Variants in NMNAT2 observed in about 807,000 individuals in gnomAD.
NMNAT2 encodes nicotinamide/nicotinic acid mononucleotide adenylyltransferase 2.
Under a neutral mutation model 41.6 loss-of-function variants are expected in NMNAT2, and 11 were observed. That is an observed-to-expected ratio of 0.26 (90% CI 0.17 to 0.44). The LOEUF (loss-of-function observed/expected upper bound fraction) is 0.44, where lower values mean the gene tolerates loss of function less well. Ranked by LOEUF, NMNAT2 falls within the 20% of genes least tolerant of loss-of-function variation. The pLI is 1.00. For synonymous variants in NMNAT2, 148 were observed against 151.2 expected (o/e 0.98, Z 0.16); for missense variants, 288 against 407.7 (o/e 0.71, Z 2.53).
At chr1:183,261,947 G>C (rs1341617123) in intron 8 of NMNAT2, among the ~76,000 whole-genome samples, 1 of 151,236 alleles carries the variant, frequency 6.6e-6, no homozygotes, top group African/African-American at 2.4e-5. Context: ...TTTTTTTGAG[G>C]CATGGTCTCA....
In NMNAT2 at chr1:183,280,183, G is replaced by T. The variant is rs1331573106; in HGVS notation, c.575-1554C>A. Among the ~76,000 whole-genome samples the T allele has an allele frequency of 5.9e-5, 9 of 152,264 alleles. No individual in the cohort carries two copies. In the East Asian group the frequency reaches 1.7e-3, roughly 29 times the overall value. The stretch of plus-strand genomic sequence containing the variant: ...GTATTGCTGACAGGAGCCAGACTAG[G>T]CTTATTTCTCGGATTCTGTTGTTCC... On this transcript the variant is annotated intron_variant, in intron 7 of 10. Transcript: ENST00000287713.
At chr1:183,284,065 G>T in intron 6 of NMNAT2, 26 bp from the exon 7 acceptor site, 1 of 1,604,370 alleles carries the variant, frequency 6.2e-7, no homozygotes, top group Non-Finnish European at 8.5e-7. Flanking sequence ...GGAAGGTAGG[G>T]CATTAGGGAA....
intron 1 of NMNAT2, among the ~76,000 whole-genome samples, chr1:183,345,848 G>A (rs905646697): frequency 9.9e-5 from 15 of 151,936 alleles, no homozygotes; most frequent in Non-Finnish European, 1.5e-4. Context: ...CACCATGCCC[G>A]GCTAATTTTT....
intron 1 of NMNAT2, among the ~76,000 whole-genome samples, chr1:183,323,403 T>G (rs893294145): frequency 6.6e-6 from 1 of 152,150 alleles, no homozygotes; most frequent in Non-Finnish European, 1.5e-5. Context: ...CCTCTGAAGT[T>G]GCTAGCTTTT....
chr1:183,308,793 T>C (rs1355329641), intron 1 of NMNAT2, among the ~76,000 whole-genome samples: 1 of 152,096 alleles, frequency 6.6e-6, no homozygotes, highest in African/African-American at 2.4e-5. Context: ...GATTGGGTGC[T>C]GTGGGTTGCT....
intron 8 of NMNAT2, among the ~76,000 whole-genome samples, chr1:183,269,123 A>T (rs1431843444): frequency 6.6e-6 from 1 of 152,214 alleles, no homozygotes; most frequent in Non-Finnish European, 1.5e-5. Flanking sequence ...TACAATATTG[A>T]TTATAAAACA....
intron 1 of NMNAT2, among the ~76,000 whole-genome samples, chr1:183,393,046 A>C (rs1368578507): frequency 2.0e-5 from 3 of 152,178 alleles, no homozygotes; most frequent in African/African-American, 7.2e-5. Flanking sequence ...GTAGGCACTC[A>C]AATGGTGGTG....
intron 1 of NMNAT2, among the ~76,000 whole-genome samples, chr1:183,294,952 G>A (rs1011131021): frequency 1.3e-5 from 2 of 152,178 alleles, no homozygotes; most frequent in Non-Finnish European, 2.9e-5. Context: ...GAATTACTTT[G>A]CTGGATTTCT....
chr1:183,408,390 C>T (rs963131127), intron 1 of NMNAT2, among the ~76,000 whole-genome samples: 1 of 152,000 alleles, frequency 6.6e-6, no homozygotes, highest in African/African-American at 2.4e-5. Flanking sequence ...TTATATGTAT[C>T]ACAAAATATT....
chr1:183,341,748 C>CAAAAAAAAAAAAAAAAAAAAAAA (rs369432128), intron 1 of NMNAT2, among the ~76,000 whole-genome samples: 4 of 79,794 alleles, frequency 5.0e-5, no homozygotes, highest in Admixed American at 1.5e-4. Flanking sequence ...AAAAAAAAAA[C>CAAAAAAAAAAAAAAAAAAAAAAA]CTGTTTCCTT....
intron 1 of NMNAT2, among the ~76,000 whole-genome samples, chr1:183,363,294 C>T (rs1663343641): frequency 6.6e-6 from 1 of 152,156 alleles, no homozygotes; most frequent in African/African-American, 2.4e-5. Flanking sequence ...TTCTCTGAAC[C>T]TTAGCTTTAT....
At chr1:183,328,026 C>T (rs534411196) in intron 1 of NMNAT2, among the ~76,000 whole-genome samples, 1 of 152,304 alleles carries the variant, frequency 6.6e-6, no homozygotes, top group East Asian at 1.9e-4. Context: ...GCCCCCACAG[C>T]TTCTAGGGCA....
chr1:183,402,009 T>C (rs941765372), intron 1 of NMNAT2, among the ~76,000 whole-genome samples: 24 of 151,952 alleles, frequency 1.6e-4, no homozygotes, highest in Admixed American at 3.3e-4. Context: ...ACATGGCACA[T>C]GTATACATAT....
chr1:183,324,078 T>C (rs1273748936), intron 1 of NMNAT2, among the ~76,000 whole-genome samples: 1 of 152,132 alleles, frequency 6.6e-6, no homozygotes, highest in Admixed American at 6.5e-5. Flanking sequence ...ACTGGAGACC[T>C]GAGAGGTGGC....
chr1:183,344,123 A>G (rs1010680963), intron 1 of NMNAT2, among the ~76,000 whole-genome samples: 1 of 152,218 alleles, frequency 6.6e-6, no homozygotes, highest in Non-Finnish European at 1.5e-5. Flanking sequence ...ATCCTGAGGC[A>G]GGTAAACATC....
chr1:183,252,670 T>A lies in NMNAT2; in HGVS notation c.895A>T (p.Ser299Cys). 1 of 1,614,070 alleles carries A rather than the reference T, an allele frequency of 6.2e-7. No individual in the cohort carries two copies. The highest frequency in any genetic ancestry group is 1.1e-5 in the South Asian group (1 of 91,074). The change falls in exon 11 of 11, where the codon AGC (serine) becomes TGC (cysteine). Residue 299 changes from serine to cysteine, a missense_variant. Ser to Cys is a moderately radical substitution (Grantham distance 112). Coordinates refer to ENST00000287713, the MANE Select transcript of NMNAT2 (RefSeq NM_015039.4). The stretch of plus-strand genomic sequence containing the variant: ...CCGGAGGCATTGATGTACAGCTGGC[T>A]TTTGAGGATGTAGTCGATGACCGGC... ...SQPVIDYILKSQLYINASG is the reference protein window; with the variant it reads ...SQPVIDYILKCQLYINASG
At chr1:183,296,638 A>G (rs1661706999) in intron 1 of NMNAT2, among the ~76,000 whole-genome samples, 1 of 151,878 alleles carries the variant, frequency 6.6e-6, no homozygotes, top group African/African-American at 2.4e-5. Flanking sequence ...TCAGCCTCAT[A>G]GGTAGCTGGG....
intron 1 of NMNAT2, among the ~76,000 whole-genome samples, chr1:183,330,020 A>G (rs570777762): frequency 6.6e-6 from 1 of 152,252 alleles, no homozygotes; most frequent in African/African-American, 2.4e-5. Context: ...TCGAACGGGG[A>G]GACAAGGGGA....
intron 1 of NMNAT2, among the ~76,000 whole-genome samples, chr1:183,393,716 C>T (rs571784819): frequency 1.1e-4 from 16 of 152,206 alleles, no homozygotes; most frequent in Non-Finnish European, 1.5e-4. Context: ...CCACCACGCC[C>T]GGCTAATTTT....
Sources: allele counts gnomAD v4.1 joint callset (sites outside exome capture counted in the v4.1 genomes callset), GRCh38; gene constraint gnomAD v4.1.1; transcripts MANE v1.5; gene names NCBI Gene and HGNC (gene_info 2026-07-23, HGNC 2026-07-21).